DCC: variants seen among roughly 807,000 people sequenced by gnomAD.
DCC encodes the protein DCC netrin 1 receptor, also known as netrin receptor DCC.
A neutral mutation model predicts 172.5 loss-of-function variants in DCC; 58 were observed. That is an observed-to-expected ratio of 0.34 (90% CI 0.27 to 0.42). DCC has a LOEUF of 0.42. Ranked by LOEUF, DCC falls within the 10% of genes least tolerant of loss-of-function variation. DCC has a pLI of 1.00. For missense variants in DCC, 1,740 were observed against 1,791.0 expected (o/e 0.97, Z 0.51); for synonymous variants, 709 against 644.5 (o/e 1.10, Z -1.52).
At chr18:52,989,760 C>T (rs898573895) in intron 5 of DCC, among the ~76,000 whole-genome samples, 2 of 152,178 alleles carry the variant, frequency 1.3e-5, no homozygotes, top group Non-Finnish European at 2.9e-5. Context: ...TGGGAATTCT[C>T]CATCAGTTAA....
At chr18:53,443,950 A>G (rs1017295807) in intron 22 of DCC, among the ~76,000 whole-genome samples, 1 of 152,252 alleles carries the variant, frequency 6.6e-6, no homozygotes, top group African/African-American at 2.4e-5. Flanking sequence ...ATCTCATGAT[A>G]AAATTTTAAC....
At chr18:52,494,576 G>C (rs1012079502) in intron 1 of DCC, among the ~76,000 whole-genome samples, 3 of 151,460 alleles carry the variant, frequency 2.0e-5, no homozygotes, top group African/African-American at 7.3e-5. Flanking sequence ...TACTAATCCT[G>C]TTTTATGCAA....
At chr18:53,301,499 G>C (rs144483595) in intron 12 of DCC, among the ~76,000 whole-genome samples, 3,393 of 152,088 alleles carry the variant, frequency 0.022, 61 homozygotes, top group Middle Eastern at 0.061. Context: ...AATATTTTCA[G>C]AGTATTACAT....
At chr18:52,882,976 C>G (rs533202959) in intron 2 of DCC, among the ~76,000 whole-genome samples, 1 of 152,250 alleles carries the variant, frequency 6.6e-6, no homozygotes, top group South Asian at 2.1e-4. Context: ...GTATCCTCTG[C>G]TGAATTGACT....
chr18:52,627,185 C>T (rs909842201), intron 1 of DCC, among the ~76,000 whole-genome samples: 1 of 152,168 alleles, frequency 6.6e-6, no homozygotes, highest in African/African-American at 2.4e-5. Context: ...CCTATACATC[C>T]TTCATAGCAC....
chr18:53,315,271 T>C (rs972292722), intron 13 of DCC, among the ~76,000 whole-genome samples: 2 of 152,206 alleles, frequency 1.3e-5, no homozygotes, highest in Non-Finnish European at 2.9e-5. Context: ...GCTTCATCCA[T>C]ATCCCTGCAA....
At chr18:53,098,890 GGT>G (rs1380364032) in intron 7 of DCC, among the ~76,000 whole-genome samples, 2 of 151,984 alleles carry the variant, frequency 1.3e-5, no homozygotes, top group Non-Finnish European at 2.9e-5. Flanking sequence ...ATGTGCCTGT[GGT>G]CCCAGCTAGT....
chr18:52,897,919 A>T (rs2039755587), intron 2 of DCC, among the ~76,000 whole-genome samples: 1 of 152,204 alleles, frequency 6.6e-6, no homozygotes, highest in Non-Finnish European at 1.5e-5. Flanking sequence ...GGCCAAAATG[A>T]GCTTCTACCA....
intron 7 of DCC, among the ~76,000 whole-genome samples, chr18:53,131,366 C>G (rs574193805): frequency 6.6e-6 from 1 of 152,140 alleles, no homozygotes; most frequent in Non-Finnish European, 1.5e-5. Flanking sequence ...CTAAGGATTG[C>G]TAGACAAAAT....
chr18:53,315,961 CTTTAG>C (rs2057339296), intron 13 of DCC, among the ~76,000 whole-genome samples: 1 of 152,144 alleles, frequency 6.6e-6, no homozygotes, highest in African/African-American at 2.4e-5. Context: ...TGCAGAAGCT[CTTTAG>C]TTTAATTAGC....
intron 7 of DCC, among the ~76,000 whole-genome samples, chr18:53,124,518 A>G (rs760775815): frequency 6.6e-6 from 1 of 152,078 alleles, no homozygotes; most frequent in African/African-American, 2.4e-5. Context: ...AACTCTCTAC[A>G]TTCTTATGAT....
intron 13 of DCC, among the ~76,000 whole-genome samples, chr18:53,307,445 G>A (rs1022284582): frequency 6.6e-5 from 10 of 152,020 alleles, no homozygotes; most frequent in Non-Finnish European, 1.3e-4. Context: ...AAATATTTTA[G>A]TATGGATTCT....
At chr18:52,547,854 G>T (rs978481172) in intron 1 of DCC, among the ~76,000 whole-genome samples, 10 of 152,170 alleles carry the variant, frequency 6.6e-5, no homozygotes, top group South Asian at 4.1e-4. Flanking sequence ...GACTCTTCAG[G>T]TTATACCATC....
chr18:52,442,664 T>C (rs182857133), intron 1 of DCC, among the ~76,000 whole-genome samples: 48 of 152,348 alleles, frequency 3.2e-4, no homozygotes, highest in African/African-American at 1.1e-3. Context: ...TTGATGTAAC[T>C]CATTTTTCTA....
intron 2 of DCC, among the ~76,000 whole-genome samples, chr18:52,815,534 T>C (rs1431732): frequency 0.081 from 12,297 of 151,756 alleles, 1,613 homozygotes; most frequent in African/African-American, 0.28. Flanking sequence ...AATAGAGCCC[T>C]TACCAGGAAC....
chr18:53,214,426 C>T (rs2055813331), intron 11 of DCC, among the ~76,000 whole-genome samples: 1 of 152,060 alleles, frequency 6.6e-6, no homozygotes, highest in South Asian at 2.1e-4. Flanking sequence ...CACATCATGT[C>T]TTCATGATAA....
intron 8 of DCC, among the ~76,000 whole-genome samples, chr18:53,175,733 G>T (rs1441628371): frequency 2.0e-5 from 3 of 152,026 alleles, no homozygotes; most frequent in South Asian, 2.1e-4. Flanking sequence ...AATCAATATC[G>T]TGAAAATGGC....
At chr18:52,574,435 C>A (rs567701876) in intron 1 of DCC, among the ~76,000 whole-genome samples, 3 of 152,186 alleles carry the variant, frequency 2.0e-5, no homozygotes, top group Admixed American at 6.5e-5. Flanking sequence ...TTTCCAGCAA[C>A]ACCCATTTTC....
chr18:53,269,399 C>T (rs1179907516), intron 12 of DCC, among the ~76,000 whole-genome samples: 1 of 152,072 alleles, frequency 6.6e-6, no homozygotes, highest in Admixed American at 6.6e-5. Flanking sequence ...TATTAGTCAA[C>T]CCTGAGCACA....
Sources: gnomAD v4.1 joint callset for allele counts (sites outside exome capture counted in the v4.1 genomes callset) on GRCh38, gnomAD v4.1.1 for gene constraint, MANE v1.5 for transcripts, NCBI Gene and HGNC (gene_info 2026-07-23, HGNC 2026-07-21) for gene names.